ITSN2: variants seen among roughly 807,000 people sequenced by gnomAD.
ITSN2 encodes intersectin-2.
Under a neutral mutation model 243.7 loss-of-function variants are expected in ITSN2, and 156 were observed. That is an observed-to-expected ratio of 0.64 (90% CI 0.56 to 0.73). The LOEUF (loss-of-function observed/expected upper bound fraction) is 0.73, where lower values mean the gene tolerates loss of function less well. Ranked by LOEUF, ITSN2 falls within the 30% of genes least tolerant of loss-of-function variation. The probability of loss-of-function intolerance (pLI) is 0.00; values close to 1 mark genes in which losing one functional copy is unlikely to be tolerated. For missense variants in ITSN2, 1,801 were observed against 1,996.1 expected, an observed-to-expected ratio of 0.90 and a Z score of 1.86; for synonymous variants, 703 against 699.9, an observed-to-expected ratio of 1.00 and a Z score of -0.07.
At chr2:24,308,538 A>G (rs1682840818) in intron 8 of ITSN2, 79 bp downstream of exon 8, 1 of 932,792 alleles carries the variant, frequency 1.1e-6, no homozygotes, top group African/African-American at 1.7e-5. Context: ...TACACAATAC[A>G]AATTCAAATG....
At position 24,209,966 on chromosome 2, in the gene ITSN2, T is replaced by G. The variant is rs148365890; in HGVS notation, c.4325A>C (p.Tyr1442Ser). The change falls in exon 35 of 40, where the codon TAC becomes TCC. Residue 1442 changes from tyrosine (Y) to serine (S), a missense_variant. Transcript: ENST00000355123. ...CAGTTCCTTGTTGCTCTTGGTCTTG[T>G]ATAATTTCCCACTGTGTAAGAGCTT... ...PRKLLHSGKL[Y>S]KTKSNKELHG... is the part of the protein sequence containing the mutation. 1.1e-3 allele frequency: 1,777 copies of G among 1,614,184 alleles called. 27 individuals carry two copies. In the East Asian group the frequency reaches 0.036, roughly 33 times the overall value.
chr2:24,315,128 A>G lies in ITSN2; in HGVS notation c.124+4T>C. 6.5e-7 allele frequency: 1 copy of G among 1,538,712 alleles called. No homozygotes were observed. The highest frequency in any genetic ancestry group is 9.0e-7 in the Non-Finnish European group (1 of 1,117,178). ...CACTAATAAAACTAATTATAAATAC[A>G]AACCTGTTATGTAACCTCCTGAAGG... On this transcript the variant is annotated splice_donor_region_variant and intron_variant, in intron 3 of 39. Coordinates refer to ENST00000355123, the MANE Select transcript of ITSN2 (RefSeq NM_006277.3).
chr2:24,280,252 G>C (rs983749879), intron 17 of ITSN2, among the ~76,000 whole-genome samples: 1 of 152,008 alleles, frequency 6.6e-6, no homozygotes, highest in East Asian at 1.9e-4. Flanking sequence ...GGTTAACCCC[G>C]GTGCTCTACT....
chr2:24,305,568 C>T (rs1682414284), intron 8 of ITSN2, among the ~76,000 whole-genome samples: 1 of 125,950 alleles, frequency 7.9e-6, no homozygotes. Context: ...CAGAGCAAGA[C>T]TCTGTCTCAA....
chr2:24,234,998 G>A (rs2151219185), intron 29 of ITSN2, among the ~76,000 whole-genome samples: 1 of 152,284 alleles, frequency 6.6e-6, no homozygotes, highest in African/African-American at 2.4e-5. Context: ...CCTTGGTATT[G>A]ATTCAAAGGA....
At chr2:24,238,240 C>T (rs973008741) in intron 29 of ITSN2, among the ~76,000 whole-genome samples, 3 of 152,162 alleles carry the variant, frequency 2.0e-5, no homozygotes, top group African/African-American at 7.2e-5. Context: ...GGCCTAATCC[C>T]CTCAAAGAAC....
At chr2:24,356,489 A>G (rs534881182) in intron 1 of ITSN2, among the ~76,000 whole-genome samples, 2 of 15,184 alleles carry the variant, frequency 1.3e-4, no homozygotes, top group African/African-American at 2.8e-4. Flanking sequence ...ACATATCTAC[A>G]AGAAAAAAAA....
intron 29 of ITSN2, among the ~76,000 whole-genome samples, chr2:24,230,353 T>C (rs1671461805): frequency 6.6e-6 from 1 of 152,220 alleles, no homozygotes; most frequent in East Asian, 1.9e-4. Context: ...TATCATCATC[T>C]TGTGCTTGGA....
chr2:24,290,816 T>C (rs1680151830), intron 15 of ITSN2, among the ~76,000 whole-genome samples: 1 of 152,228 alleles, frequency 6.6e-6, no homozygotes, highest in Admixed American at 6.5e-5. Flanking sequence ...ATTCCATTGT[T>C]CTACTTTTCT....
chr2:24,306,408 C>T (rs1640683010), intron 8 of ITSN2, among the ~76,000 whole-genome samples: 1 of 152,182 alleles, frequency 6.6e-6, no homozygotes, highest in South Asian at 2.1e-4. Flanking sequence ...TGATTTCTAT[C>T]ACCATTAATT....
At chr2:24,337,335 T>TATATATATATATAC (rs1686536504) in intron 1 of ITSN2, among the ~76,000 whole-genome samples, 2 of 108,966 alleles carry the variant, frequency 1.8e-5, no homozygotes, top group Non-Finnish European at 3.7e-5. Flanking sequence ...TATATATATA[T>TATATATATATATAC]ATATATATAT....
chr2:24,325,366 TACC>T (rs1393864368), intron 2 of ITSN2, among the ~76,000 whole-genome samples: 4 of 152,040 alleles, frequency 2.6e-5, no homozygotes, highest in African/African-American at 4.8e-5. Context: ...GCTGTGTTCA[TACC>T]ACTACACTCC....
At chr2:24,247,274 T>C (rs1673502786) in intron 27 of ITSN2, among the ~76,000 whole-genome samples, 1 of 152,196 alleles carries the variant, frequency 6.6e-6, no homozygotes, top group Non-Finnish European at 1.5e-5. Flanking sequence ...GGCAATACTC[T>C]GTGTGTATTG....
chr2:24,244,524 T>G (rs1364733772), intron 29 of ITSN2, among the ~76,000 whole-genome samples: 1 of 152,138 alleles, frequency 6.6e-6, no homozygotes, highest in Non-Finnish European at 1.5e-5. Context: ...AGAAGCCAAA[T>G]GTACTGACAC....
chr2:24,283,151 T>A (rs1403036401), intron 17 of ITSN2, among the ~76,000 whole-genome samples: 1 of 152,196 alleles, frequency 6.6e-6, no homozygotes, highest in Non-Finnish European at 1.5e-5. Flanking sequence ...CTTCTGCTTA[T>A]CACTCAAGTG....
intron 29 of ITSN2, among the ~76,000 whole-genome samples, chr2:24,223,112 C>T (rs1486277851): frequency 6.6e-6 from 1 of 152,092 alleles, no homozygotes; most frequent in Non-Finnish European, 1.5e-5. Context: ...GGGAAAGAGA[C>T]GAATGAAGTA....
chr2:24,266,014 T>A lies in ITSN2; in HGVS notation c.2356-4272A>T, dbSNP rs978611218. 2.6e-5 allele frequency among the ~76,000 whole-genome samples: 4 copies of A among 152,210 alleles called. No individual in the cohort carries two copies. The East Asian group carries it at 5.8e-4, about 22-fold the overall frequency. Reference sequence around the variant, plus strand: ...GGGAAATACCTGTGCTGCCCTCCTCTAGGGTATCTTTCAGAATTAAATTGA... The same window carrying A: ...GGGAAATACCTGTGCTGCCCTCCTCAAGGGTATCTTTCAGAATTAAATTGA... On this transcript the variant is annotated intron_variant, in intron 20 of 39. Coordinates refer to ENST00000355123, the MANE Select transcript of ITSN2 (RefSeq NM_006277.3).
intron 37 of ITSN2, 81 bp downstream of exon 37, chr2:24,208,156 C>T: frequency 8.4e-7 from 1 of 1,189,640 alleles, no homozygotes. Context: ...GTCCCTATAT[C>T]ATCAGCCTGA....
intron 29 of ITSN2, among the ~76,000 whole-genome samples, chr2:24,222,102 A>G (rs901177325): frequency 6.6e-6 from 1 of 152,096 alleles, no homozygotes; most frequent in African/African-American, 2.4e-5. Context: ...ATTACAAAAA[A>G]TTAGCCAGGC....
Sources: gnomAD v4.1 joint callset for allele counts (sites outside exome capture counted in the v4.1 genomes callset) on GRCh38, gnomAD v4.1.1 for gene constraint, MANE v1.5 for transcripts, NCBI Gene and HGNC (gene_info 2026-07-23, HGNC 2026-07-21) for gene names.